Variants in SOX5 observed in about 807,000 individuals in gnomAD.
SOX5 encodes transcription factor SOX-5.
In SOX5, 9 loss-of-function variants were observed where a neutral mutation model predicts 92.0. The ratio of observed to expected loss-of-function variants is 0.10; its 90% CI spans 0.06 to 0.17. SOX5 has a LOEUF of 0.17. SOX5 is among the 10% of genes least tolerant of loss of function. SOX5 has a pLI of 1.00. For missense variants in SOX5, 642 were observed against 944.5 expected (o/e 0.68, Z 4.20); for synonymous variants, 344 against 336.3 (o/e 1.02, Z -0.25).
chr12:24,252,731 C>T (rs1940369961), intron 3 of SOX5, among the ~76,000 whole-genome samples: 1 of 151,984 alleles, frequency 6.6e-6, no homozygotes, highest in African/African-American at 2.4e-5. Flanking sequence ...ACCCGAGGCC[C>T]CAGCTCCTGC....
intron 2 of SOX5, among the ~76,000 whole-genome samples, chr12:24,295,473 A>C (rs1428012945): frequency 6.6e-6 from 1 of 152,230 alleles, no homozygotes; most frequent in Non-Finnish European, 1.5e-5. Flanking sequence ...GCAAATATAT[A>C]AAGACTAATA....
intron 1 of SOX5, among the ~76,000 whole-genome samples, chr12:24,416,632 G>A (rs1426847460): frequency 6.6e-6 from 1 of 152,164 alleles, no homozygotes; most frequent in East Asian, 1.9e-4. Context: ...AGGAACTAGA[G>A]GCACCGAGTA....
At chr12:24,271,277 G>C (rs554251083) in intron 3 of SOX5, among the ~76,000 whole-genome samples, 1 of 152,170 alleles carries the variant, frequency 6.6e-6, no homozygotes, top group African/African-American at 2.4e-5. Context: ...TGAGACTAAG[G>C]ATTTTTTCAT....
chr12:24,327,022 T>C (rs999482988), intron 2 of SOX5, among the ~76,000 whole-genome samples: 3 of 152,194 alleles, frequency 2.0e-5, no homozygotes, highest in Non-Finnish European at 2.9e-5. Flanking sequence ...AGGTGCTCAA[T>C]AAATATGTTG....
intron 1 of SOX5, among the ~76,000 whole-genome samples, chr12:24,552,904 T>A (rs1297306199): frequency 6.6e-6 from 1 of 151,922 alleles, no homozygotes; most frequent in Non-Finnish European, 1.5e-5. Context: ...TGCTGGCGCA[T>A]GCCTGTGGTC....
At chr12:24,434,309 G>T (rs970870464) in intron 1 of SOX5, among the ~76,000 whole-genome samples, 1 of 152,168 alleles carries the variant, frequency 6.6e-6, no homozygotes, top group East Asian at 1.9e-4. Context: ...AACTCATAGA[G>T]TATGAACTGA....
At chr12:24,444,893 G>A (rs966892822) in intron 1 of SOX5, among the ~76,000 whole-genome samples, 1 of 152,104 alleles carries the variant, frequency 6.6e-6, no homozygotes, top group African/African-American at 2.4e-5. Context: ...ATAAGCTATT[G>A]TTCCCTAGGG....
intron 1 of SOX5, among the ~76,000 whole-genome samples, chr12:24,423,229 G>A (rs1300288870): frequency 6.6e-6 from 1 of 152,134 alleles, no homozygotes; most frequent in East Asian, 1.9e-4. Context: ...ACTGTGGAAG[G>A]ACATAAGGTA....
chr12:24,056,698 G>A (rs1313292278), intron 4 of SOX5, among the ~76,000 whole-genome samples: 1 of 151,934 alleles, frequency 6.6e-6, no homozygotes, highest in East Asian at 1.9e-4. Context: ...AATTCAGGCC[G>A]GGCGCGGTGG....
At chr12:24,275,609 T>A (rs1382752475) in intron 3 of SOX5, among the ~76,000 whole-genome samples, 1 of 152,118 alleles carries the variant, frequency 6.6e-6, no homozygotes. Flanking sequence ...GTTAAATCTA[T>A]CTAAAATCTT....
At chr12:23,595,804 CT>C (rs1235863118) in intron 9 of SOX5, among the ~76,000 whole-genome samples, 2 of 152,126 alleles carry the variant, frequency 1.3e-5, no homozygotes, top group Non-Finnish European at 2.9e-5. Context: ...TTCTGAAATA[CT>C]ACCTGTTGGG....
At chr12:24,007,159 AT>A (rs1569473661) in intron 4 of SOX5, among the ~76,000 whole-genome samples, 171 of 70,706 alleles carry the variant, frequency 2.4e-3, no homozygotes, top group East Asian at 3.0e-3. Context: ...ATATATATAT[AT>A]ACATTTATAT....
intron 4 of SOX5, among the ~76,000 whole-genome samples, chr12:23,744,315 T>A (rs891297788): frequency 7.9e-5 from 12 of 152,184 alleles, no homozygotes; most frequent in Non-Finnish European, 2.9e-5. Flanking sequence ...TCACATTCAA[T>A]GAAATAATAA....
At chr12:23,733,104 C>A (rs2093452493) in intron 6 of SOX5, among the ~76,000 whole-genome samples, 1 of 152,110 alleles carries the variant, frequency 6.6e-6, no homozygotes, top group South Asian at 2.1e-4. Context: ...GTTTATTGAG[C>A]CTTACACCCA....
intron 4 of SOX5, among the ~76,000 whole-genome samples, chr12:24,136,031 G>C (rs533668347): frequency 6.6e-6 from 1 of 152,118 alleles, no homozygotes; most frequent in Non-Finnish European, 1.5e-5. Context: ...GTGAGGGATC[G>C]GCAAGATAGA....
At chr12:24,060,595 G>A (rs577692664) in intron 4 of SOX5, among the ~76,000 whole-genome samples, 1 of 152,254 alleles carries the variant, frequency 6.6e-6, no homozygotes, top group African/African-American at 2.4e-5. Context: ...TTTCCTACGG[G>A]AAACAACTAG....
At chr12:23,655,323 T>C (rs1484776861) in intron 7 of SOX5, among the ~76,000 whole-genome samples, 1 of 152,120 alleles carries the variant, frequency 6.6e-6, no homozygotes, top group Non-Finnish European at 1.5e-5. Context: ...CAATAACTCA[T>C]TTTAAGCTGC....
chr12:24,151,880 TAAATA>T (rs1004785400), intron 4 of SOX5, among the ~76,000 whole-genome samples: 3 of 151,982 alleles, frequency 2.0e-5, no homozygotes, highest in South Asian at 2.1e-4. Flanking sequence ...AATAAATAAA[TAAATA>T]AAATAAGCTT....
intron 3 of SOX5, among the ~76,000 whole-genome samples, chr12:23,803,074 G>A (rs2095693075): frequency 6.6e-6 from 1 of 152,094 alleles, no homozygotes; most frequent in Admixed American, 6.5e-5. Context: ...GCCAGAATTA[G>A]CTTCTCTACA....
Sources: allele counts gnomAD v4.1 joint callset (sites outside exome capture counted in the v4.1 genomes callset), GRCh38; gene constraint gnomAD v4.1.1; transcripts MANE v1.5; gene names NCBI Gene and HGNC (gene_info 2026-07-23, HGNC 2026-07-21).